The following CCDC30 variants were observed in gnomAD, a reference collection of about 807,000 sequenced individuals.
CCDC30 encodes coiled-coil domain containing 30.
CCDC30 carries 70 observed loss-of-function variants against 100.2 expected under a neutral mutation model. That is an observed-to-expected ratio of 0.70 (90% confidence interval 0.58 to 0.85). The LOEUF is 0.85. Ranked by LOEUF, CCDC30 falls within the 40% of genes least tolerant of loss-of-function variation. The pLI, the probability that CCDC30 is intolerant of heterozygous loss-of-function variation, is 0.00. For synonymous variants in CCDC30, 233 were observed against 269.5 expected, an observed-to-expected ratio of 0.86 and a Z score of 1.33; for missense variants, 652 against 771.2, an observed-to-expected ratio of 0.85 and a Z score of 1.83.
intron 5 of CCDC30, among the ~76,000 whole-genome samples, chr1:42,497,978 A>T (rs1467922469): frequency 2.6e-5 from 4 of 152,234 alleles, no homozygotes; most frequent in African/African-American, 9.6e-5. Flanking sequence ...GTACATCCAT[A>T]TTCATAGTAG....
intron 10 of CCDC30, among the ~76,000 whole-genome samples, chr1:42,608,312 C>G (rs975098326): frequency 2.0e-5 from 3 of 152,216 alleles, no homozygotes; most frequent in Non-Finnish European, 4.4e-5. Context: ...AAGATGCCAT[C>G]ATTGTTTTTG....
the CCDC30 span, chr1:42,456,467 C>G: frequency 2.3e-6 from 3 of 1,285,666 alleles, no homozygotes; most frequent in African/African-American, 4.6e-5. Flanking sequence ...GGTAGTGAAC[C>G]GCCCACTCAG....
intron 6 of CCDC30, chr1:42,510,166 C>G (rs1008812282): frequency 4.4e-5 from 41 of 936,278 alleles, no homozygotes; most frequent in Non-Finnish European, 5.2e-5. Context: ...TAAGTACTGC[C>G]TCTCTTCCAA....
chr1:42,637,376 A>C, exon 12 of CCDC30: 1 of 1,605,750 alleles, frequency 6.2e-7, no homozygotes, highest in Non-Finnish European at 8.5e-7. Flanking sequence ...TAAAATAGAA[A>C]AGGTGAGGAA....
the CCDC30 span, chr1:42,456,573 A>G: frequency 6.7e-7 from 1 of 1,482,922 alleles, no homozygotes; most frequent in Non-Finnish European, 8.9e-7. Flanking sequence ...CAGATGGCGG[A>G]AATGGATCCG....
rs192819132 is a variant in CCDC30 at position 42,615,426 on chromosome 1, T to C, written c.1277+4336T>C. The stretch of plus-strand genomic sequence containing the variant: ...AATTCTCCTGCCTCAGCCTCCCGAG[T>C]AGCTGGGATTACAGGCGCACGCCAC... On this transcript the variant is annotated intron_variant, in intron 11 of 16. Transcript: ENST00000668663. Among the ~76,000 whole-genome samples, 746 of 152,142 alleles carry C rather than the reference T, an allele frequency of 4.9e-3. 1 individual carries two copies. Among genetic ancestry groups the C allele is most frequent in the Admixed American group, 0.019 (283 of 15,288 alleles).
intron 16 of CCDC30, 147 bp from the exon 21 acceptor site, chr1:42,653,671 A>G (rs1557501541): frequency 1.2e-5 from 8 of 658,680 alleles, no homozygotes; most frequent in East Asian, 2.7e-5. Flanking sequence ...GAAATAAAAT[A>G]TGAACATAGG....
chr1:42,569,056 A>G (rs1645673668), intron 7 of CCDC30: 1 of 152,220 alleles, frequency 6.6e-6, no homozygotes, highest in African/African-American at 2.4e-5. Flanking sequence ...CAGCACATAT[A>G]CTAAAACTGG....
At chr1:42,488,226 C>A (rs982238143) in intron 3 of CCDC30, among the ~76,000 whole-genome samples, 4 of 151,968 alleles carry the variant, frequency 2.6e-5, no homozygotes, top group African/African-American at 9.7e-5. Context: ...AACTCTTAAT[C>A]TGGTAGAGAG....
chr1:42,559,593 AC>A (rs1323883678), intron 6 of CCDC30, among the ~76,000 whole-genome samples: 1 of 152,232 alleles, frequency 6.6e-6, no homozygotes, highest in African/African-American at 2.4e-5. Context: ...AGAAGAGCTA[AC>A]TATTCTAAAT....
At chr1:42,457,968 A>AC in the CCDC30 span, among the ~76,000 whole-genome samples, 1 of 151,604 alleles carries the variant, frequency 6.6e-6, no homozygotes, top group Non-Finnish European at 1.5e-5. Flanking sequence ...AAAAAAAAAA[A>AC]AACACCAAAA....
rs948228928 is a variant in CCDC30 at position 42,465,989 on chromosome 1, A to AT, written c.-92+2097dup. ...TTCTTTTTCACTTTATATTTTAAAC[A>AT]TTTTTTACATTGCTACAGTGTTTTC... On this transcript the variant is annotated intron_variant, in intron 1 of 16. Transcript: ENST00000668663. Among the ~76,000 whole-genome samples, 89 of 152,224 alleles carry AT rather than the reference A, an allele frequency of 5.8e-4. 1 individual carries two copies. The highest frequency in any genetic ancestry group is 2.0e-3 in the African/African-American group (81 of 41,522).
At chr1:42,475,151 T>C (rs1006014275) in intron 1 of CCDC30, among the ~76,000 whole-genome samples, 4 of 152,064 alleles carry the variant, frequency 2.6e-5, no homozygotes, top group Admixed American at 2.6e-4. Context: ...ATCATACCTA[T>C]GGGAAACATA....
intron 10 of CCDC30, 179 bp downstream of exon 14, chr1:42,589,662 A>G: frequency 5.7e-6 from 3 of 528,630 alleles, no homozygotes; most frequent in Non-Finnish European, 9.9e-6. Context: ...ATAAGAGCTT[A>G]CAAAACAGTT....
At chr1:42,545,081 A>G (rs1645095129) in intron 6 of CCDC30, among the ~76,000 whole-genome samples, 1 of 150,250 alleles carries the variant, frequency 6.7e-6, no homozygotes, top group South Asian at 2.1e-4. Context: ...TCTGTAGATC[A>G]CATATTTGTG....
At chr1:42,481,456 A>T (rs1643956154) in intron 2 of CCDC30, among the ~76,000 whole-genome samples, 1 of 151,938 alleles carries the variant, frequency 6.6e-6, no homozygotes, top group Admixed American at 6.6e-5. Flanking sequence ...GCACACCTGT[A>T]ATCCCAGCTA....
chr1:42,463,042 CAA>C (rs1036058444), upstream of CCDC30, among the ~76,000 whole-genome samples: 23 of 152,336 alleles, frequency 1.5e-4, no homozygotes, highest in African/African-American at 5.3e-4. Flanking sequence ...CGCCCCAAGA[CAA>C]AATGTATTCG....
intron 11 of CCDC30, among the ~76,000 whole-genome samples, chr1:42,613,261 T>G (rs535849592): frequency 3.5e-4 from 40 of 114,136 alleles, no homozygotes; most frequent in Middle Eastern, 4.6e-3. Context: ...TTTTATTTTA[T>G]TTTAGTTTTT....
At chr1:42,602,904 C>T (rs1165320897) in intron 10 of CCDC30, among the ~76,000 whole-genome samples, 2 of 152,184 alleles carry the variant, frequency 1.3e-5, no homozygotes, top group Admixed American at 1.3e-4. Flanking sequence ...CCATATCCAA[C>T]AATGTATACA....
Sources: allele counts gnomAD v4.1 joint callset (sites outside exome capture counted in the v4.1 genomes callset), GRCh38; gene constraint gnomAD v4.1.1; transcripts MANE v1.5; gene names NCBI Gene and HGNC (gene_info 2026-07-23, HGNC 2026-07-21).